CSNK1D: variants seen among roughly 807,000 people sequenced by gnomAD.
The protein encoded by CSNK1D is casein kinase I isoform delta.
CSNK1D carries 16 observed loss-of-function variants against 46.6 expected under a neutral mutation model. The ratio of observed to expected loss-of-function variants is 0.34; its 90% CI spans 0.23 to 0.52. The LOEUF is 0.52. Ranked by LOEUF, CSNK1D falls within the 20% of genes least tolerant of loss-of-function variation. The pLI, the probability that CSNK1D is intolerant of heterozygous loss-of-function variation, is 0.95. For synonymous variants in CSNK1D, 276 were observed against 228.2 expected (o/e 1.21, Z -1.89); for missense variants, 398 against 578.4 (o/e 0.69, Z 3.20).
intron 1 of CSNK1D, among the ~76,000 whole-genome samples, chr17:82,270,645 G>A (rs2051596530): frequency 6.6e-6 from 1 of 152,048 alleles, no homozygotes; most frequent in Non-Finnish European, 1.5e-5. Context: ...TCAGACCCAC[G>A]CTTCTTTCAA....
downstream of CSNK1D, chr17:82,239,804 C>G (rs2050714202): frequency 2.5e-6 from 1 of 402,834 alleles, no homozygotes; most frequent in African/African-American, 2.1e-5. Flanking sequence ...GCCCCTCTGC[C>G]TGGCTGGCAG....
rs1263743653 is a variant in CSNK1D, at chr17:82,273,426, G to A, written c.-45C>T. The A allele has an allele frequency of 2.5e-6, 4 of 1,605,890 alleles. No individual in the cohort carries two copies. Among genetic ancestry groups the A allele is most frequent in the Non-Finnish European group, 3.4e-6 (4 of 1,177,114 alleles). On this transcript the variant is annotated 5_prime_UTR_variant, in exon 1 of 9. Transcript: ENST00000314028. This position sits in a 1 kb window ranked among gnomAD's most constrained non-coding sequence, Gnocchi z 5.1. ...GCTCCTGCCCTCCCGGCCGCTTCCTGGGTCTGAACTCTGGGAGGCGGCGCC... is the reference window on the plus strand; with the variant it reads ...GCTCCTGCCCTCCCGGCCGCTTCCTAGGTCTGAACTCTGGGAGGCGGCGCC...
intron 1 of CSNK1D, among the ~76,000 whole-genome samples, chr17:82,267,614 T>C (rs554278037): frequency 4.6e-5 from 7 of 152,194 alleles, no homozygotes; most frequent in African/African-American, 9.7e-5. Flanking sequence ...CTGCCTACAG[T>C]TGGGACAGTC....
rs2050875150 is a variant in CSNK1D, at chr17:82,247,301, GC to G, written c.1197+1573del. On this transcript the variant is annotated intron_variant, in intron 8 of 8. Transcript: ENST00000314028. ...CTCACGGCCACCTTGGGGGCTGGTG[GC>G]TACAACAGCCACACCCAGGTGCCGC... 4.1e-6 allele frequency: 4 copies of G among 985,310 alleles called. No individual in the cohort carries two copies. The African/African-American group carries it at 7.0e-5, about 17-fold the overall frequency. The allele number at this position is 985,310 out of a possible 1,614,324, so 61.0% of individuals were successfully genotyped here.
chr17:82,254,297 G>A (rs1367913837), intron 3 of CSNK1D: 4 of 284,228 alleles, frequency 1.4e-5, no homozygotes, highest in African/African-American at 2.8e-5. Context: ...CTGAGCCGCC[G>A]GAGCCTCGAG....
Position 82,255,728 on chromosome 17 carries a change from G to C in CSNK1D, c.188-151C>G. The C allele has an allele frequency of 1.0e-6, 1 of 956,116 alleles. No homozygotes were observed. The allele number at this position is 956,116 out of a possible 1,614,324, so 59.2% of individuals were successfully genotyped here. ...AAGACCCCGGCAACGCCGCTCCTCA[G>C]GGACCCATCCTCGAGATTAGGCCCC... On this transcript the variant is annotated intron_variant, in intron 2 of 8. Coordinates refer to ENST00000314028, the MANE Select transcript of CSNK1D (RefSeq NM_001893.6). The surrounding 1 kb of genome is among the most constrained non-coding windows in gnomAD (Gnocchi z 5.9).
In CSNK1D at chr17:82,252,631, G is replaced by T; in HGVS notation, c.566-27C>A. The T allele has an allele frequency of 1.2e-6, 2 of 1,610,108 alleles. No individual in the cohort carries two copies. The highest frequency in any genetic ancestry group is 1.7e-6 in the Non-Finnish European group (2 of 1,178,972). On this transcript the variant is annotated intron_variant, in intron 4 of 8. Coordinates refer to ENST00000314028, the MANE Select transcript of CSNK1D (RefSeq NM_001893.6). The surrounding 1 kb of genome is among the most constrained non-coding windows in gnomAD (Gnocchi z 4.6). ...TGAAAAGAAAAGGGAAAGGCGTGAA[G>T]AACGGCACTTGCGTGCTCACGTCAA...
chr17:82,273,401 G>A lies in CSNK1D; in HGVS notation c.-20C>T, dbSNP rs747674365. The A allele has an allele frequency of 1.3e-5, 21 of 1,609,924 alleles. No individual in the cohort carries two copies. In the East Asian group the frequency reaches 4.5e-4, roughly 34 times the overall value. On this transcript the variant is annotated 5_prime_UTR_variant, in exon 1 of 9. Transcript: ENST00000314028. This position sits in a 1 kb window ranked among gnomAD's most constrained non-coding sequence, Gnocchi z 5.1. ...CTCCATGGCGGCGGCGGCCCGATTC[G>A]CTCCTGCCCTCCCGGCCGCTTCCTG...
In CSNK1D at chr17:82,265,728, G is replaced by A; in HGVS notation, c.145C>T (p.Leu49Phe). The change falls in exon 2 of 9, where the codon CTC becomes TTC. Residue 49 changes from leucine to phenylalanine, a missense_variant. Leu to Phe is a conservative substitution (Grantham distance 22). Transcript: ENST00000314028. ...TTGTAGATTTTGCTCTCAATGTGGA[G>A]CTGAGGGTGTTTGGTTTTGACACAT... is the stretch of plus-strand genomic sequence containing the variant. ...LECVKTKHPQ[L>F]HIESKIYKMM... is the part of the protein sequence containing the mutation. 6.2e-7 allele frequency: 1 copy of A among 1,614,180 alleles called. No homozygotes were observed. The highest frequency in any genetic ancestry group is 8.5e-7 in the Non-Finnish European group (1 of 1,180,016).
chr17:82,268,930 C>G (rs2051546310), intron 1 of CSNK1D, among the ~76,000 whole-genome samples: 1 of 151,776 alleles, frequency 6.6e-6, no homozygotes, highest in Non-Finnish European at 1.5e-5. Flanking sequence ...CCCGTCCCTA[C>G]TATAAATACA....
In CSNK1D at chr17:82,255,370, C is replaced by G. The variant is rs942299294; in HGVS notation, c.336+59G>C. Reference sequence around the variant, plus strand: ...ATAATAATGGCAAGAACAGCACAAGCGAGTGGCTGATTCTATCAGACAGCA... The same window carrying G: ...ATAATAATGGCAAGAACAGCACAAGGGAGTGGCTGATTCTATCAGACAGCA... On this transcript the variant is annotated intron_variant, in intron 3 of 8. Transcript: ENST00000314028. The surrounding 1 kb of genome is among the most constrained non-coding windows in gnomAD (Gnocchi z 5.9). The G allele has an allele frequency of 1.2e-5, 19 of 1,585,352 alleles. No homozygotes were observed. The highest frequency in any genetic ancestry group is 1.5e-5 in the Non-Finnish European group (17 of 1,153,934).
At chr17:82,266,799 G>GA (rs2051480669) in intron 1 of CSNK1D, 1 of 152,596 alleles carries the variant, frequency 6.6e-6, no homozygotes, top group South Asian at 2.1e-4. Context: ...GGTGGCTCAC[G>GA]CCTGTAATCC....
At chr17:82,253,459 G>A (rs1236646249) in intron 3 of CSNK1D, 17 of 567,604 alleles carry the variant, frequency 3.0e-5, no homozygotes, top group South Asian at 1.6e-4. Flanking sequence ...AGGCCTAGGC[G>A]CTTTGCCTTC....
upstream of CSNK1D, chr17:82,273,723 C>G: frequency 2.1e-6 from 1 of 473,204 alleles, no homozygotes; most frequent in Non-Finnish European, 3.7e-6. The surrounding 1 kb of genome is among the most constrained non-coding windows in gnomAD (Gnocchi z 5.1). Context: ...CCTAGCAACC[C>G]GGCGGGGCGG....
chr17:82,249,010 G>A lies in CSNK1D; in HGVS notation c.1062C>T (p.Asn354=), dbSNP rs2050926627. Residue 354 remains asparagine (N), a synonymous_variant, in exon 8 of 9, where the codon AAC becomes AAT. Coordinates refer to ENST00000314028, the MANE Select transcript of CSNK1D (RefSeq NM_001893.6). The surrounding 1 kb of genome is among the most constrained non-coding windows in gnomAD (Gnocchi z 6.7). ...TGCCGGAGACGGGCCGGGGGGAGGT[G>A]TTAGCTGAGGACAGGGAGAGAAACG... is the stretch of plus-strand genomic sequence containing the variant. ...TPLTPTSHTA[N]TSPRPVSGME... 8 of 1,558,180 alleles carry A rather than the reference G, an allele frequency of 5.1e-6. No individual in the cohort carries two copies. The highest frequency in any genetic ancestry group is 7.0e-6 in the Non-Finnish European group (8 of 1,150,292).
chr17:82,245,955 G>A (rs377528955), intron 8 of CSNK1D: 5 of 1,588,640 alleles, frequency 3.1e-6, no homozygotes, highest in Middle Eastern at 1.7e-4. Flanking sequence ...GCTGCCTGGC[G>A]CCCGCCACGC....
downstream of CSNK1D, chr17:82,240,123 G>T: frequency 8.3e-7 from 1 of 1,198,792 alleles, no homozygotes; most frequent in Non-Finnish European, 1.0e-6. Context: ...ATCTGCCCCT[G>T]GCCTTGCGCC....
Position 82,242,792 on chromosome 17 carries a change from G to A in CSNK1D, c.*1989C>T, listed in dbSNP as rs1017553080. On this transcript the variant is annotated 3_prime_UTR_variant, in exon 9 of 9. Coordinates refer to ENST00000314028, the MANE Select transcript of CSNK1D (RefSeq NM_001893.6). The stretch of plus-strand genomic sequence containing the variant: ...ACAGCTGACACGACGTCCTACCTAC[G>A]TCTCCTGCACGGGGCGACGGGGACT... The A allele has an allele frequency of 1.0e-6, 1 of 985,468 alleles. No individual in the cohort carries two copies. Among genetic ancestry groups the A allele is most frequent in the Non-Finnish European group, 1.2e-6 (1 of 829,940 alleles). 61.0% of individuals were successfully genotyped at this position (985,468 alleles called of 1,614,324 possible).
In CSNK1D at chr17:82,244,635, C is replaced by G. The variant is rs1426454602; in HGVS notation, c.*146G>C. ...GTCTGTCCGTTTAGTATGTTTCCCC[C>G]ACGAGCGTCGCTGGGTGAGTGGCCT... On this transcript the variant is annotated 3_prime_UTR_variant, in exon 9 of 9. Transcript: ENST00000314028. 21 of 1,540,936 alleles carry G rather than the reference C, an allele frequency of 1.4e-5. No individual in the cohort carries two copies. Among genetic ancestry groups the G allele is most frequent in the East Asian group, 2.4e-5 (1 of 41,384 alleles).
Sources: allele counts gnomAD v4.1 joint callset (sites outside exome capture counted in the v4.1 genomes callset), GRCh38; gene constraint gnomAD v4.1.1; non-coding constraint Gnocchi (gnomAD v3.1); transcripts MANE v1.5; gene names NCBI Gene and HGNC (gene_info 2026-07-23, HGNC 2026-07-21).